RAG1: variants seen among roughly 807,000 people sequenced by gnomAD.
The protein encoded by RAG1 is recombination activating 1, also known as V(D)J recombination-activating protein 1.
Under a neutral mutation model 62.7 loss-of-function variants are expected in RAG1, and 35 were observed. That is an observed-to-expected ratio of 0.56 (90% confidence interval 0.43 to 0.74). RAG1 has a LOEUF of 0.74. Ranked by LOEUF, RAG1 falls within the 30% of genes least tolerant of loss-of-function variation. The pLI, the probability that RAG1 is intolerant of heterozygous loss-of-function variation, is 0.00. For synonymous variants in RAG1, 461 were observed against 470.3 expected (o/e 0.98, Z 0.26); for missense variants, 1,169 against 1,278.6 (o/e 0.91, Z 1.31).
At chr11:36,549,945 A>T (rs1388740492) in intron 3 of RAG1, among the ~76,000 whole-genome samples, 1 of 152,226 alleles carries the variant, frequency 6.6e-6, no homozygotes, top group Non-Finnish European at 1.5e-5. Context: ...ACAGAAAAGG[A>T]TGAGTTCATG....
intron 2 of RAG1, among the ~76,000 whole-genome samples, chr11:36,526,684 C>T (rs331440): frequency 0.98 from 149,316 of 152,302 alleles, 73,244 homozygotes; most frequent in Non-Finnish European, 1. Flanking sequence ...TTGAACTAAT[C>T]TACACTCCCA....
At chr11:36,525,618 G>A (rs141034649) in intron 2 of RAG1, among the ~76,000 whole-genome samples, 100 of 152,060 alleles carry the variant, frequency 6.6e-4, no homozygotes, top group Admixed American at 6.6e-4. Context: ...TGTTTCGTAC[G>A]TGTTTTGTTA....
At chr11:36,513,047 C>A (rs137877802) in intron 1 of RAG1, among the ~76,000 whole-genome samples, 1 of 152,146 alleles carries the variant, frequency 6.6e-6, no homozygotes, top group African/African-American at 2.4e-5. Context: ...CATTATCATG[C>A]GAGTGAATTC....
chr11:36,525,004 CTTCT>C (rs1184047701), intron 2 of RAG1, among the ~76,000 whole-genome samples: 2 of 150,876 alleles, frequency 1.3e-5, no homozygotes, highest in East Asian at 3.9e-4. Context: ...TTCTTCCTTC[CTTCT>C]TTCTTTTCTT....
Position 36,547,039 on chromosome 11 carries a change from G to T in RAG1, c.-412+11005G>T, listed in dbSNP as rs553253983. ...TGAATCTGACAATTATGTGTCTTGGGGTCGCTCTTCTCAAGGGGTATCTTT... is the reference window on the plus strand; with the variant it reads ...TGAATCTGACAATTATGTGTCTTGGTGTCGCTCTTCTCAAGGGGTATCTTT... On this transcript the variant is annotated intron_variant and NMD_transcript_variant, in intron 3 of 9. Coordinates refer to the RAG1 transcript ENST00000534663. Among the ~76,000 whole-genome samples the T allele has an allele frequency of 2.0e-5, 3 of 151,526 alleles. No homozygotes were observed. In the South Asian group the frequency reaches 6.3e-4, roughly 32 times the overall value.
chr11:36,576,445 A>G lies in RAG1; in HGVS notation c.*9A>G. ...ATTCAATGGAATTTTAAGTAGGGCA[A>G]CCACTTATGAGTTGGTTTTTGCAAT... On this transcript the variant is annotated 3_prime_UTR_variant, in exon 2 of 2. Transcript: ENST00000299440. The G allele has an allele frequency of 6.2e-7, 1 of 1,613,960 alleles. No individual in the cohort carries two copies. Among genetic ancestry groups the G allele is most frequent in the Middle Eastern group, 1.6e-4 (1 of 6,062 alleles).
At chr11:36,567,458 T>C (rs2133286573), upstream of RAG1, 1 of 152,302 alleles carries the variant, frequency 6.6e-6, no homozygotes, top group South Asian at 2.1e-4. Context: ...TCGAGTAATG[T>C]TTAAACTTAC....
chr11:36,570,591 C>A (rs1422817141), intron 1 of RAG1, among the ~76,000 whole-genome samples: 3 of 152,100 alleles, frequency 2.0e-5, no homozygotes, highest in Non-Finnish European at 4.4e-5. Context: ...TTTTGAGGAC[C>A]TCCATACTAT....
At chr11:36,558,322 G>C (rs377129759) in intron 3 of RAG1, among the ~76,000 whole-genome samples, 1 of 152,116 alleles carries the variant, frequency 6.6e-6, no homozygotes, top group Non-Finnish European at 1.5e-5. Context: ...TCCAGTTTTG[G>C]TTGATTTTCT....
At chr11:36,562,656 G>T (rs148767995) in intron 3 of RAG1, among the ~76,000 whole-genome samples, 32 of 152,270 alleles carry the variant, frequency 2.1e-4, no homozygotes, top group Non-Finnish European at 3.2e-4. Context: ...TCCTCCTTGG[G>T]TGGGTGGATG....
downstream of RAG1, among the ~76,000 whole-genome samples, chr11:36,537,665 A>T (rs775049906): frequency 6.6e-6 from 1 of 152,138 alleles, no homozygotes; most frequent in Non-Finnish European, 1.5e-5. Context: ...GAGATTTCTG[A>T]TCATTATCTT....
intron 2 of RAG1, among the ~76,000 whole-genome samples, chr11:36,529,205 G>A (rs527242314): frequency 1.3e-5 from 2 of 152,130 alleles, no homozygotes; most frequent in East Asian, 3.9e-4. Context: ...AAAATTTTAG[G>A]CCAATATTCC....
At chr11:36,534,955 A>G (rs1044134286) in intron 2 of RAG1, among the ~76,000 whole-genome samples, 4 of 152,150 alleles carry the variant, frequency 2.6e-5, no homozygotes, top group African/African-American at 7.2e-5. Flanking sequence ...TCTTTGATCT[A>G]ATAGCCATTT....
At chr11:36,559,606 A>G (rs570864425) in intron 3 of RAG1, among the ~76,000 whole-genome samples, 2 of 151,974 alleles carry the variant, frequency 1.3e-5, no homozygotes, top group South Asian at 2.1e-4. Flanking sequence ...ATTTCAAAAG[A>G]CTTGTTTTCA....
chr11:36,563,543 T>C (rs1285932151), upstream of RAG1: 1 of 152,190 alleles, frequency 6.6e-6, no homozygotes, highest in Non-Finnish European at 1.5e-5. Context: ...CATAGCAGAT[T>C]TTTTTACAAA....
intron 2 of RAG1, among the ~76,000 whole-genome samples, chr11:36,533,879 A>G (rs1860289779): frequency 6.6e-6 from 1 of 152,106 alleles, no homozygotes; most frequent in Non-Finnish European, 1.5e-5. Flanking sequence ...ATGTCCTAAT[A>G]TCCATCCAAG....
chr11:36,515,959 C>A (rs1859989535), intron 1 of RAG1, among the ~76,000 whole-genome samples: 1 of 152,138 alleles, frequency 6.6e-6, no homozygotes, highest in South Asian at 2.1e-4. Context: ...CAATAAAAAA[C>A]CTAGGCTTTT....
In RAG1 at chr11:36,575,939, C is replaced by T; in HGVS notation, c.2635C>T (p.His879Tyr). The T allele has an allele frequency of 1.2e-6, 2 of 1,614,172 alleles. No homozygotes were observed. The highest frequency in any genetic ancestry group is 1.7e-6 in the Non-Finnish European group (2 of 1,180,040). ...TGAGTTAATTCCTTCCGAGGAGAGGCACGAGGCTCTGAGGGAGCTGATGGA... is the reference window on the plus strand; with the variant it reads ...TGAGTTAATTCCTTCCGAGGAGAGGTACGAGGCTCTGAGGGAGCTGATGGA... The part of the protein sequence containing the change: ...VCELIPSEER[H>Y]EALRELMDLY... The change falls in exon 2 of 2, where the codon CAC becomes TAC. Residue 879 changes from histidine to tyrosine, a missense_variant. Physicochemically the swap from His to Tyr is moderately conservative, Grantham distance 83. Transcript: ENST00000299440. This position sits in a 1 kb window ranked among gnomAD's most constrained non-coding sequence, Gnocchi z 4.1.
chr11:36,548,921 A>T (rs1850440403), intron 3 of RAG1, among the ~76,000 whole-genome samples: 1 of 152,200 alleles, frequency 6.6e-6, no homozygotes, highest in Non-Finnish European at 1.5e-5. Context: ...GTACCAAAAC[A>T]GGTATATAGA....
Sources: allele counts gnomAD v4.1 joint callset (sites outside exome capture counted in the v4.1 genomes callset), GRCh38; gene constraint gnomAD v4.1.1; non-coding constraint Gnocchi (gnomAD v3.1); transcripts MANE v1.5; gene names NCBI Gene and HGNC (gene_info 2026-07-23, HGNC 2026-07-21).